Variants in PTPRE observed in about 807,000 individuals in gnomAD.
The protein encoded by PTPRE is protein tyrosine phosphatase receptor type E.
PTPRE carries 51 observed loss-of-function variants against 102.0 expected under a neutral mutation model. The ratio of observed to expected loss-of-function variants is 0.50; its 90% CI spans 0.40 to 0.63. PTPRE has a LOEUF of 0.63. PTPRE is among the 30% of genes least tolerant of loss of function. PTPRE has a pLI of 0.00. For missense variants in PTPRE, 752 were observed against 915.1 expected, an observed-to-expected ratio of 0.82 and a Z score of 2.30; for synonymous variants, 345 against 348.2, an observed-to-expected ratio of 0.99 and a Z score of 0.10.
Position 128,070,532 on chromosome 10 carries a change from C to T in PTPRE, c.1293+82C>T, listed in dbSNP as rs138469883. On this transcript the variant is annotated intron_variant, in intron 14 of 20. Transcript: ENST00000254667. The surrounding 1 kb of genome is among the most constrained non-coding windows in gnomAD (Gnocchi z 4.8). ...AAACAGGTGACCATTTAAAGGAAGCCTCTTTCAATCACTTGCCCCTTAACT... is the reference window on the plus strand; with the variant it reads ...AAACAGGTGACCATTTAAAGGAAGCTTCTTTCAATCACTTGCCCCTTAACT... 24 of 1,505,734 alleles carry T rather than the reference C, an allele frequency of 1.6e-5. No individual in the cohort carries two copies. Among genetic ancestry groups the T allele is most frequent in the Middle Eastern group, 3.5e-4 (2 of 5,664 alleles). The allele number at this position is 1,505,734 out of a possible 1,614,324, so 93.3% of individuals were successfully genotyped here. A position where few individuals can be genotyped will look rare whatever the true frequency, so the allele number is the denominator to read the frequency against.
In PTPRE at chr10:128,079,597, A is replaced by G; in HGVS notation, c.1930A>G (p.Ser644Gly). 6.2e-7 allele frequency: 1 copy of G among 1,614,208 alleles called. No homozygotes were observed. Among genetic ancestry groups the G allele is most frequent in the South Asian group, 1.1e-5 (1 of 91,086 alleles). ...AGRTGTFIALSNILERVKAEG... is the reference protein window; with the variant it reads ...AGRTGTFIALGNILERVKAEG... ...GCGAACAGGTACATTCATAGCCCTC[A>G]GCAACATTTTGGAGCGAGTAAAAGC... Residue 644 changes from serine to glycine, a missense_variant, in exon 20 of 21, where the codon AGC becomes GGC. Physicochemically the swap from Ser to Gly is moderately conservative, Grantham distance 56 (BLOSUM62 0). Coordinates refer to ENST00000254667, the MANE Select transcript of PTPRE (RefSeq NM_006504.6).
chr10:128,067,103 C>A (rs1028758065), intron 11 of PTPRE, among the ~76,000 whole-genome samples: 2 of 151,226 alleles, frequency 1.3e-5, no homozygotes, highest in Non-Finnish European at 3.0e-5. Flanking sequence ...TGCACACACA[C>A]GCACACAACC....
At chr10:127,983,434 G>A (rs1439144614) in intron 2 of PTPRE, among the ~76,000 whole-genome samples, 1 of 152,122 alleles carries the variant, frequency 6.6e-6, no homozygotes, top group Non-Finnish European at 1.5e-5. Flanking sequence ...GGATCAAAGA[G>A]AAGGATCGTT....
intron 1 of PTPRE, among the ~76,000 whole-genome samples, chr10:127,956,601 T>C (rs1849421526): frequency 6.6e-6 from 1 of 152,232 alleles, no homozygotes; most frequent in Non-Finnish European, 1.5e-5. Flanking sequence ...AGGAGTGCAA[T>C]TGCTGGATCA....
intron 6 of PTPRE, among the ~76,000 whole-genome samples, chr10:128,052,573 A>C (rs1848640601): frequency 6.6e-6 from 1 of 152,146 alleles, no homozygotes. Context: ...CGCACTCTGC[A>C]ATCTCCACCC....
At chr10:127,991,165 C>T (rs1472913058) in intron 2 of PTPRE, among the ~76,000 whole-genome samples, 1 of 152,108 alleles carries the variant, frequency 6.6e-6, no homozygotes, top group African/African-American at 2.4e-5. Context: ...TGGATGTCAC[C>T]GGGATGAAGT....
intron 2 of PTPRE, among the ~76,000 whole-genome samples, chr10:127,994,206 G>T (rs540205647): frequency 7.2e-5 from 11 of 152,344 alleles, no homozygotes; most frequent in Admixed American, 2.0e-4. Context: ...GTGAGGGTCA[G>T]AGCCCTGCAG....
chr10:127,961,623 A>T lies in PTPRE; in HGVS notation c.-30-20651A>T, dbSNP rs1005682694. Among the ~76,000 whole-genome samples, 3 of 148,250 alleles carry T rather than the reference A, an allele frequency of 2.0e-5. No individual in the cohort carries two copies. In the East Asian group the frequency reaches 5.9e-4, roughly 29 times the overall value. ...TTAGACTGCTGGGTGACACCTGTGC[A>T]TAAGCGCTCCACCCCCCAGCGAGAG... is the stretch of plus-strand genomic sequence containing the variant. On this transcript the variant is annotated intron_variant, in intron 1 of 20. Transcript: ENST00000254667.
chr10:127,961,798 A>G (rs922640537), intron 1 of PTPRE, among the ~76,000 whole-genome samples: 10 of 152,164 alleles, frequency 6.6e-5, no homozygotes, highest in African/African-American at 2.4e-4. Context: ...GACTGCAGGC[A>G]GCACTGAGAA....
At chr10:128,050,085 G>A (rs1261441204) in intron 6 of PTPRE, among the ~76,000 whole-genome samples, 2 of 146,848 alleles carry the variant, frequency 1.4e-5, no homozygotes, top group African/African-American at 5.1e-5. Context: ...AGTAGGCGAT[G>A]TTCCTCTTCT....
chr10:128,066,246 C>T, intron 11 of PTPRE, 52 bp downstream of exon 11: 1 of 1,600,438 alleles, frequency 6.2e-7, no homozygotes, highest in Non-Finnish European at 8.5e-7. Context: ...CAGAGAGCAT[C>T]ATGCCCAGAG....
chr10:128,060,104 T>A (rs1274512563), intron 7 of PTPRE, among the ~76,000 whole-genome samples: 1 of 101,554 alleles, frequency 9.8e-6, no homozygotes, highest in African/African-American at 4.0e-5. Context: ...ACACACACAC[T>A]ACACATACAC....
intron 1 of PTPRE, among the ~76,000 whole-genome samples, chr10:127,959,053 C>T (rs1393622680): frequency 6.6e-6 from 1 of 152,202 alleles, no homozygotes; most frequent in African/African-American, 2.4e-5. Flanking sequence ...TGCGCCACCA[C>T]ACCCCGCTAA....
chr10:127,908,375 A>G (rs181314327), intron 1 of PTPRE, among the ~76,000 whole-genome samples: 8 of 150,992 alleles, frequency 5.3e-5, no homozygotes, highest in Admixed American at 4.6e-4. Context: ...TTGTGTCCCA[A>G]AGATGGATGA....
At chr10:128,053,837 G>C (rs775590410) in intron 6 of PTPRE, among the ~76,000 whole-genome samples, 2 of 151,942 alleles carry the variant, frequency 1.3e-5, no homozygotes, top group Non-Finnish European at 2.9e-5. Flanking sequence ...CTTGGCTCAC[G>C]GCAACCTCCG....
intron 7 of PTPRE, among the ~76,000 whole-genome samples, chr10:128,056,563 G>A (rs1281505762): frequency 6.6e-6 from 1 of 152,232 alleles, no homozygotes; most frequent in African/African-American, 2.4e-5. Flanking sequence ...GTCTAGGCCT[G>A]CCAGTGGCCC....
chr10:127,920,859 C>G (rs1846545423), intron 1 of PTPRE, among the ~76,000 whole-genome samples: 1 of 152,258 alleles, frequency 6.6e-6, no homozygotes, highest in Non-Finnish European at 1.5e-5. Context: ...TGTGCTCTGA[C>G]AGACTCAGTC....
chr10:128,062,894 T>C (rs1441653278), intron 9 of PTPRE, 189 bp from the exon 10 acceptor site: 2 of 949,074 alleles, frequency 2.1e-6, no homozygotes, highest in East Asian at 5.4e-5. Flanking sequence ...CTAGCTGGAG[T>C]GGGTGAGTGG....
intron 12 of PTPRE, chr10:128,068,894 C>G (rs996035710): frequency 6.6e-6 from 1 of 152,450 alleles, no homozygotes; most frequent in Non-Finnish European, 1.5e-5. Context: ...CAAGGCCACC[C>G]CACAACCCCC....
Sources: gnomAD v4.1 joint callset for allele counts (sites outside exome capture counted in the v4.1 genomes callset) on GRCh38, gnomAD v4.1.1 for gene constraint, Gnocchi (gnomAD v3.1) non-coding constraint, MANE v1.5 for transcripts, NCBI Gene and HGNC (gene_info 2026-07-23, HGNC 2026-07-21) for gene names.